The following TENM3 variants were observed in gnomAD, a reference collection of about 807,000 sequenced individuals.
TENM3 encodes the protein teneurin transmembrane protein 3, also known as teneurin-3.
In TENM3, 63 loss-of-function variants were observed where a neutral mutation model predicts 255.1. That is an observed-to-expected ratio of 0.25 (90% CI 0.20 to 0.30). TENM3 has a LOEUF of 0.30. Among genes scored for constraint, TENM3 ranks in the 10% least tolerant of loss-of-function variants. The pLI is 1.00. For synonymous variants in TENM3, 1,306 were observed against 1,322.3 expected (o/e 0.99, Z 0.27); for missense variants, 2,929 against 3,461.1 (o/e 0.85, Z 3.86).
At chr4:182,556,068 A>G (rs751773134) in intron 3 of TENM3, among the ~76,000 whole-genome samples, 1 of 152,144 alleles carries the variant, frequency 6.6e-6, no homozygotes, top group Non-Finnish European at 1.5e-5. Flanking sequence ...CTAGCCCATT[A>G]GGAACAATAG....
intron 3 of TENM3, among the ~76,000 whole-genome samples, chr4:182,484,889 A>G (rs968819532): frequency 2.6e-5 from 4 of 152,162 alleles, no homozygotes; most frequent in East Asian, 1.9e-4. Context: ...ATCATTTAAT[A>G]TACACTACTA....
chr4:181,664,478 A>G, the TENM3 span, among the ~76,000 whole-genome samples: 467 of 101,634 alleles, frequency 4.6e-3, 1 homozygote, highest in Non-Finnish European at 6.9e-3. Flanking sequence ...CTAAAAAATA[A>G]AAAAAAACAA....
chr4:182,173,579 A>C (rs1476843299), intron 1 of TENM3, among the ~76,000 whole-genome samples: 1 of 152,174 alleles, frequency 6.6e-6, no homozygotes. Flanking sequence ...ATATAATCCT[A>C]TGTGGCCAGG....
the TENM3 span, among the ~76,000 whole-genome samples, chr4:181,989,612 A>G: frequency 6.6e-6 from 1 of 152,048 alleles, no homozygotes; most frequent in African/African-American, 2.4e-5. Flanking sequence ...AGGATTGTTG[A>G]TGTAAAAAGA....
chr4:182,217,776 A>G (rs1331642864), intron 1 of TENM3, among the ~76,000 whole-genome samples: 2 of 152,192 alleles, frequency 1.3e-5, no homozygotes, highest in Admixed American at 6.5e-5. Flanking sequence ...TTGTGATATT[A>G]TTTGAGATTT....
chr4:182,398,927 A>C (rs1447821673), intron 3 of TENM3, among the ~76,000 whole-genome samples: 1 of 152,230 alleles, frequency 6.6e-6, no homozygotes, highest in Non-Finnish European at 1.5e-5. Context: ...AATTCAATTC[A>C]GTGCAGTTCA....
In TENM3 at chr4:182,792,181, T is replaced by C; in HGVS notation, c.5602-93T>C. The C allele has an allele frequency of 8.9e-7, 1 of 1,124,908 alleles. No homozygotes were observed. Among genetic ancestry groups the C allele is most frequent in the Non-Finnish European group, 1.3e-6 (1 of 774,684 alleles). The allele number at this position is 1,124,908 out of a possible 1,614,324, so 69.7% of individuals were successfully genotyped here. On this transcript the variant is annotated intron_variant, in intron 25 of 27. Transcript: ENST00000511685. The surrounding 1 kb of genome is among the most constrained non-coding windows in gnomAD (Gnocchi z 6.3). ...CAATTAAAATGAAAATCATTTTCTC[T>C]AGTGGAATGTTTCTGTGCATCTGTG...
chr4:181,657,933 C>T, the TENM3 span, among the ~76,000 whole-genome samples: 4 of 152,136 alleles, frequency 2.6e-5, no homozygotes, highest in East Asian at 1.9e-4. Flanking sequence ...GGGAGCTAAG[C>T]GTTGGGTACA....
chr4:181,812,043 A>G, the TENM3 span, among the ~76,000 whole-genome samples: 2 of 152,220 alleles, frequency 1.3e-5, no homozygotes, highest in African/African-American at 4.8e-5. Flanking sequence ...TGGAGTTAAC[A>G]CATTTTTTTA....
the TENM3 span, among the ~76,000 whole-genome samples, chr4:182,064,613 A>G: frequency 1.3e-5 from 2 of 152,140 alleles, no homozygotes; most frequent in Middle Eastern, 3.2e-3. Context: ...TCATTGAGTA[A>G]CCAATGGGGA....
the TENM3 span, among the ~76,000 whole-genome samples, chr4:181,720,416 C>T: frequency 1.3e-5 from 2 of 152,124 alleles, no homozygotes; most frequent in African/African-American, 4.8e-5. Flanking sequence ...AAGAGTATTA[C>T]ATTCCAGTTA....
chr4:182,401,569 G>C (rs958037164), intron 3 of TENM3, among the ~76,000 whole-genome samples: 1 of 152,074 alleles, frequency 6.6e-6, no homozygotes, highest in Non-Finnish European at 1.5e-5. Context: ...CATTTCCACT[G>C]AGACCATTCA....
intron 2 of TENM3, among the ~76,000 whole-genome samples, chr4:182,336,477 G>A (rs1764149557): frequency 6.6e-6 from 1 of 152,184 alleles, no homozygotes; most frequent in Non-Finnish European, 1.5e-5. Flanking sequence ...CACAGAGGGT[G>A]CATTTGAGAG....
At chr4:182,116,427 A>C in the TENM3 span, among the ~76,000 whole-genome samples, 2 of 152,246 alleles carry the variant, frequency 1.3e-5, no homozygotes, top group East Asian at 3.9e-4. Context: ...GGAGGGACCC[A>C]GTAGGAAGTG....
At chr4:182,262,612 C>A (rs934027395) in intron 1 of TENM3, among the ~76,000 whole-genome samples, 2 of 152,146 alleles carry the variant, frequency 1.3e-5, no homozygotes, top group African/African-American at 2.4e-5. Context: ...GAATAATCCA[C>A]CCCTTGTTTA....
intron 1 of TENM3, among the ~76,000 whole-genome samples, chr4:182,318,664 G>A (rs1176431381): frequency 6.6e-6 from 1 of 152,154 alleles, no homozygotes; most frequent in Non-Finnish European, 1.5e-5. Flanking sequence ...CCAGAGGAGT[G>A]CTATGGTTAG....
intron 1 of TENM3, among the ~76,000 whole-genome samples, chr4:182,227,408 C>T (rs757175516): frequency 3.3e-5 from 5 of 152,160 alleles, no homozygotes; most frequent in African/African-American, 4.8e-5. Context: ...CCTGATTCCA[C>T]GATTACCTCT....
the TENM3 span, among the ~76,000 whole-genome samples, chr4:182,137,666 T>C: frequency 6.6e-6 from 1 of 152,188 alleles, no homozygotes; most frequent in Non-Finnish European, 1.5e-5. Context: ...TCTGTTATGG[T>C]ATTGTCTGCC....
the TENM3 span, among the ~76,000 whole-genome samples, chr4:181,706,913 C>T: frequency 3.1e-4 from 47 of 152,272 alleles, no homozygotes; most frequent in African/African-American, 1.1e-3. Context: ...ATGTCCTGAG[C>T]CCAAATACGT....
Sources: allele counts gnomAD v4.1 joint callset (sites outside exome capture counted in the v4.1 genomes callset), GRCh38; gene constraint gnomAD v4.1.1; non-coding constraint Gnocchi (gnomAD v3.1); transcripts MANE v1.5; gene names NCBI Gene and HGNC (gene_info 2026-07-23, HGNC 2026-07-21).